Variants in DDX60 observed in about 807,000 individuals in gnomAD.
The protein encoded by DDX60 is probable ATP-dependent RNA helicase DDX60.
Under a neutral mutation model 212.8 loss-of-function variants are expected in DDX60, and 165 were observed. The ratio of observed to expected loss-of-function variants is 0.78; its 90% CI spans 0.68 to 0.88. DDX60 has a LOEUF of 0.88. Among genes scored for constraint, DDX60 ranks in the 40% least tolerant of loss-of-function variants. DDX60 has a pLI of 0.00. For synonymous variants in DDX60, 703 were observed against 685.3 expected (o/e 1.03, Z -0.40); for missense variants, 1,905 against 2,003.9 (o/e 0.95, Z 0.94).
intron 6 of DDX60, among the ~76,000 whole-genome samples, chr4:168,301,820 A>T (rs975525152): frequency 6.6e-6 from 1 of 152,250 alleles, no homozygotes; most frequent in African/African-American, 2.4e-5. Flanking sequence ...ACTTCACAGT[A>T]GAGAAAACTG....
intron 7 of DDX60, 100 bp from the exon 8 acceptor site, chr4:168,292,006 C>A: frequency 1.4e-5 from 9 of 655,386 alleles, no homozygotes; most frequent in African/African-American, 3.8e-5. Context: ...CTTTGCTGTT[C>A]AGGAATCATG....
At chr4:168,294,808 T>C (rs1234499122) in intron 6 of DDX60, among the ~76,000 whole-genome samples, 2 of 152,108 alleles carry the variant, frequency 1.3e-5, no homozygotes, top group African/African-American at 4.8e-5. Flanking sequence ...AGCCAAACTA[T>C]ACATTTAATA....
chr4:168,311,315 A>T lies in DDX60; in HGVS notation c.-56T>A. On this transcript the variant is annotated 5_prime_UTR_variant, in exon 2 of 38. Coordinates refer to ENST00000393743, the MANE Select transcript of DDX60 (RefSeq NM_017631.6). ...CTGGCAAGTATTAAAGGTAGCAAATACCCTTTATTTTGGTACCTCTAAGTG... is the reference window on the plus strand; with the variant it reads ...CTGGCAAGTATTAAAGGTAGCAAATTCCCTTTATTTTGGTACCTCTAAGTG... 6.2e-7 allele frequency: 1 copy of T among 1,600,962 alleles called. No individual in the cohort carries two copies. The highest frequency in any genetic ancestry group is 8.5e-7 in the Non-Finnish European group (1 of 1,172,208).
At chr4:168,257,183 A>G (rs1039786012) in intron 25 of DDX60, among the ~76,000 whole-genome samples, 2 of 152,200 alleles carry the variant, frequency 1.3e-5, no homozygotes, top group African/African-American at 4.8e-5. Context: ...GTGGTGGCAC[A>G]TGCCTGTAAT....
chr4:168,238,916 CA>C (rs1733736837), intron 30 of DDX60, among the ~76,000 whole-genome samples: 2 of 152,006 alleles, frequency 1.3e-5, no homozygotes, highest in African/African-American at 4.8e-5. Context: ...ATATTTGGGC[CA>C]AAAACTATTC....
Position 168,236,348 on chromosome 4 carries a change from A to C in DDX60, c.4437T>G (p.Val1479=). ...RKGSKHFSQD[V]MEKLVLVLAH... ...CCAATACTAATACTAGCTTTTCCAT[A>C]ACGTCTTGAGAAAAATGTTTTGAGC... Residue 1479 remains valine, a synonymous_variant, in exon 33 of 38, where the codon GTT becomes GTG. Transcript: ENST00000393743. 3.7e-6 allele frequency: 6 copies of C among 1,607,976 alleles called. No individual in the cohort carries two copies. Among genetic ancestry groups the C allele is most frequent in the Non-Finnish European group, 5.1e-6 (6 of 1,177,182 alleles).
At chr4:168,279,687 A>T (rs1473542622) in intron 14 of DDX60, among the ~76,000 whole-genome samples, 1 of 152,196 alleles carries the variant, frequency 6.6e-6, no homozygotes, top group Non-Finnish European at 1.5e-5. Context: ...ATAGAGAGAG[A>T]TTTGCCAACG....
At chr4:168,270,817 C>T (rs1735057601) in intron 19 of DDX60, among the ~76,000 whole-genome samples, 1 of 150,326 alleles carries the variant, frequency 6.7e-6, no homozygotes, top group Admixed American at 6.6e-5. Flanking sequence ...AAGAATATAT[C>T]TTTCTATCAT....
At position 168,262,044 on chromosome 4, in the gene DDX60, T is replaced by G; in HGVS notation, c.3229A>C (p.Lys1077Gln). 1 of 1,601,384 alleles carries G rather than the reference T, an allele frequency of 6.2e-7. No homozygotes were observed. The highest frequency in any genetic ancestry group is 2.3e-5 in the East Asian group (1 of 44,010). ...TTAATCCAACTTGTTAATTCTGCCT[T>G]TAGACTCTCTTCATATTTCCTAGCA... ...MDARKYEESL[K>Q]AELTSWIKNG... Residue 1077 changes from lysine (K) to glutamine (Q), a missense_variant, in exon 24 of 38, where the codon AAG (lysine) becomes CAG (glutamine). Coordinates refer to ENST00000393743, the MANE Select transcript of DDX60 (RefSeq NM_017631.6).
chr4:168,286,240 C>T (rs1009817706), intron 10 of DDX60, among the ~76,000 whole-genome samples: 5 of 151,286 alleles, frequency 3.3e-5, no homozygotes, highest in Admixed American at 6.6e-5. Context: ...ACGATGGAAG[C>T]CTCAGAGATT....
intron 30 of DDX60, among the ~76,000 whole-genome samples, chr4:168,242,840 T>C (rs1219846009): frequency 1.3e-5 from 2 of 151,760 alleles, no homozygotes; most frequent in East Asian, 3.9e-4. Flanking sequence ...GGACCAGGAG[T>C]GGAATTATAT....
intron 19 of DDX60, among the ~76,000 whole-genome samples, chr4:168,270,081 G>A (rs879750278): frequency 2.6e-5 from 4 of 152,116 alleles, no homozygotes; most frequent in Non-Finnish European, 4.4e-5. Context: ...CCTCTTTCTT[G>A]ATTAAACTGC....
chr4:168,241,267 C>T (rs1042811397), intron 30 of DDX60, among the ~76,000 whole-genome samples: 1 of 151,928 alleles, frequency 6.6e-6, no homozygotes, highest in Admixed American at 6.5e-5. Context: ...CAGACTAATA[C>T]AGTAAGTTGG....
rs1673341801 is a variant in DDX60 at position 168,221,639 on chromosome 4, A to T, written c.4976+91T>A. ...TGATTTAACCTGCACTTGAAACTGT[A>T]ATGAGGTTTCTTCCTTAAAATTCAT... On this transcript the variant is annotated intron_variant, in intron 36 of 37. Transcript: ENST00000393743. The T allele has an allele frequency of 3.6e-6, 5 of 1,376,436 alleles. No homozygotes were observed. The South Asian group carries it at 7.0e-5, about 19-fold the overall frequency. The allele number at this position is 1,376,436 out of a possible 1,614,324, so 85.3% of individuals were successfully genotyped here. A position where few individuals can be genotyped will look rare whatever the true frequency, so the allele number is the denominator to read the frequency against.
At chr4:168,306,796 A>G in intron 4 of DDX60, 76 bp from the exon 5 acceptor site, 1 of 1,084,016 alleles carries the variant, frequency 9.2e-7, no homozygotes. Context: ...ACATCATTAA[A>G]GGCACTGAAG....
At position 168,286,389 on chromosome 4, in the gene DDX60, T is replaced by TACAC. The variant is rs71867661; in HGVS notation, c.1339+655_1339+658dup. 5.6e-3 allele frequency among the ~76,000 whole-genome samples: 747 copies of TACAC among 133,738 alleles called. 10 individuals carry two copies. The highest frequency in any genetic ancestry group is 0.012 in the East Asian group (51 of 4,288). The allele number at this position is 133,738 out of a possible 152,430, so 87.7% of individuals were successfully genotyped here. The stretch of plus-strand genomic sequence containing the variant: ...TTCTCTTGAGTCCTCCTTGATTTTA[T>TACAC]ACACACACACACACACACACACACA... On this transcript the variant is annotated intron_variant, in intron 10 of 37. Transcript: ENST00000393743.
intron 25 of DDX60, 21 bp downstream of exon 25, chr4:168,260,843 CA>C (rs774307146): frequency 1.8e-5 from 29 of 1,590,542 alleles, no homozygotes; most frequent in African/African-American, 2.7e-5. Context: ...CAAGCAAAAC[CA>C]AATTAAATTA....
At position 168,255,092 on chromosome 4, in the gene DDX60, G is replaced by A. The variant is rs368867799; in HGVS notation, c.3557+619C>T. 8.5e-5 allele frequency among the ~76,000 whole-genome samples: 13 copies of A among 152,276 alleles called. No individual in the cohort carries two copies. The East Asian group carries it at 2.3e-3, about 27-fold the overall frequency. On this transcript the variant is annotated intron_variant, in intron 26 of 37. Coordinates refer to ENST00000393743, the MANE Select transcript of DDX60 (RefSeq NM_017631.6). ...TCTCAAGTCCAAAAAAAACACCTCTGTGATCATCCAGGCAAGATATGATGA... is the reference window on the plus strand; with the variant it reads ...TCTCAAGTCCAAAAAAAACACCTCTATGATCATCCAGGCAAGATATGATGA...
chr4:168,294,058 T>G, intron 6 of DDX60, 113 bp from the exon 7 acceptor site: 1 of 922,440 alleles, frequency 1.1e-6, no homozygotes, highest in Non-Finnish European at 1.5e-6. Context: ...CAAAATAATC[T>G]GTACAACAAA....
Sources: gnomAD v4.1 joint callset for allele counts (sites outside exome capture counted in the v4.1 genomes callset) on GRCh38, gnomAD v4.1.1 for gene constraint, MANE v1.5 for transcripts, NCBI Gene and HGNC (gene_info 2026-07-23, HGNC 2026-07-21) for gene names.